SRP72: variants seen among roughly 807,000 people sequenced by gnomAD.
SRP72 encodes signal recognition particle subunit SRP72.
A neutral mutation model predicts 96.3 loss-of-function variants in SRP72; 49 were observed. That is an observed-to-expected ratio of 0.51 (90% CI 0.40 to 0.65). The LOEUF is 0.65. SRP72 is among the 30% of genes least tolerant of loss of function. SRP72 has a pLI of 0.00. For missense variants in SRP72, 736 were observed against 793.3 expected (o/e 0.93, Z 0.87); for synonymous variants, 267 against 275.2 (o/e 0.97, Z 0.30).
At chr4:56,497,378 C>T (rs1207998857) in intron 17 of SRP72, among the ~76,000 whole-genome samples, 2 of 151,740 alleles carry the variant, frequency 1.3e-5, no homozygotes, top group East Asian at 3.9e-4. Context: ...CCCCACCACG[C>T]CCAGCTAATT....
At chr4:56,488,589 A>G (rs1251179378) in intron 12 of SRP72, among the ~76,000 whole-genome samples, 1 of 152,184 alleles carries the variant, frequency 6.6e-6, no homozygotes, top group African/African-American at 2.4e-5. Flanking sequence ...TGCTATAATT[A>G]CTTTACCTTA....
Position 56,467,667 on chromosome 4 carries a change from T to C in SRP72, c.32T>C (p.Val11Ala), listed in dbSNP as rs751306382. 1 of 1,564,214 alleles carries C rather than the reference T, an allele frequency of 6.4e-7. No homozygotes were observed. Among genetic ancestry groups the C allele is most frequent in the South Asian group, 1.2e-5 (1 of 85,728 alleles). MASGGSGGVS[V>A]PALWSEVNRY... ...AGCGGCGGCAGCGGGGGGGTGTCAG[T>C]ACCTGCGCTGTGGAGTGAAGTGAAC... The change falls in exon 1 of 19, where the codon GTA (valine) becomes GCA (alanine). Residue 11 changes from valine to alanine, a missense_variant. By Grantham distance (64) the Val-to-Ala change is moderately conservative. Transcript: ENST00000642900.
intron 16 of SRP72, among the ~76,000 whole-genome samples, chr4:56,493,860 T>C (rs943363112): frequency 6.6e-6 from 1 of 152,070 alleles, no homozygotes; most frequent in African/African-American, 2.4e-5. Context: ...AATGAGACTC[T>C]GTCTAAAAAA....
At chr4:56,473,006 C>T (rs566309596) in intron 3 of SRP72, among the ~76,000 whole-genome samples, 1 of 152,118 alleles carries the variant, frequency 6.6e-6, no homozygotes, top group East Asian at 1.9e-4. Context: ...AAGATTATAG[C>T]GAACTCCTAG....
intron 2 of SRP72, among the ~76,000 whole-genome samples, chr4:56,470,093 T>C (rs1719912784): frequency 6.6e-6 from 1 of 151,938 alleles, no homozygotes; most frequent in Non-Finnish European, 1.5e-5. Context: ...TCAGTCGAAG[T>C]TTCTTTACTG....
Position 56,488,372 on chromosome 4 carries a change from T to G in SRP72, c.1224+359T>G, listed in dbSNP as rs373747733. On this transcript the variant is annotated intron_variant, in intron 12 of 18. Transcript: ENST00000642900. ...CAAATTTAGTTTTTAGTTTTCTGAT[T>G]ATTCAAATATTGCAGGTTTCAATCA... Among the ~76,000 whole-genome samples, 10 of 152,368 alleles carry G rather than the reference T, an allele frequency of 6.6e-5. No individual in the cohort carries two copies. The East Asian group carries it at 1.7e-3, about 26-fold the overall frequency.
intron 8 of SRP72, among the ~76,000 whole-genome samples, chr4:56,480,256 T>A (rs1408565424): frequency 6.6e-6 from 1 of 152,190 alleles, no homozygotes; most frequent in Non-Finnish European, 1.5e-5. Flanking sequence ...TTGAAATGCT[T>A]GTCAGGACAA....
rs944453863 is a variant in SRP72 at position 56,490,253 on chromosome 4, A to G, written c.1321-80A>G. 5 of 1,101,860 alleles carry G rather than the reference A, an allele frequency of 4.5e-6. No individual in the cohort carries two copies. In the African/African-American group the frequency reaches 4.7e-5, roughly 10 times the overall value. The allele number at this position is 1,101,860 out of a possible 1,614,324, so 68.3% of individuals were successfully genotyped here. On this transcript the variant is annotated intron_variant, in intron 13 of 18. Transcript: ENST00000642900. ...GATCTAATGCATAGGTGTATTTCTT[A>G]AAGGTCTAATGAATATAACTGCATG...
intron 2 of SRP72, among the ~76,000 whole-genome samples, chr4:56,471,292 T>A (rs1369513286): frequency 1.3e-5 from 2 of 152,260 alleles, no homozygotes; most frequent in Non-Finnish European, 2.9e-5. Flanking sequence ...TTAAGATTTC[T>A]AGTTACTGTT....
At chr4:56,497,262 C>T (rs1675711083) in intron 17 of SRP72, among the ~76,000 whole-genome samples, 2 of 150,392 alleles carry the variant, frequency 1.3e-5, no homozygotes, top group Admixed American at 1.3e-4. Flanking sequence ...CTCTGTTGCC[C>T]AGGCTGGAGT....
At chr4:56,492,532 C>CTTCCTCCT (rs1412214192) in intron 16 of SRP72, among the ~76,000 whole-genome samples, 3 of 152,086 alleles carry the variant, frequency 2.0e-5, no homozygotes, top group African/African-American at 7.2e-5. Flanking sequence ...GTTTTTGCTA[C>CTTCCTCCT]TTCCTCCTTT....
chr4:56,493,237 T>C (rs1720970077), intron 16 of SRP72, among the ~76,000 whole-genome samples: 1 of 151,866 alleles, frequency 6.6e-6, no homozygotes, highest in Non-Finnish European at 1.5e-5. Flanking sequence ...GGTTTCACCA[T>C]GTCGATCAGG....
chr4:56,489,294 C>A, intron 12 of SRP72, 94 bp from the exon 13 acceptor site: 1 of 580,986 alleles, frequency 1.7e-6, no homozygotes, highest in East Asian at 2.8e-5. Context: ...AGCGGAGAGC[C>A]TTTATTTGCT....
intron 2 of SRP72, among the ~76,000 whole-genome samples, 199 bp downstream of exon 2, chr4:56,469,972 G>GTTTT (rs150238707): frequency 1.5e-5 from 2 of 131,420 alleles, no homozygotes; most frequent in Admixed American, 7.5e-5. Flanking sequence ...GCCTTAGAGA[G>GTTTT]TTTTTTTTTT....
chr4:56,469,664 A>C lies in SRP72; in HGVS notation c.121A>C (p.Asn41His), dbSNP rs200214809. Residue 41 changes from asparagine (N) to histidine (H), a missense_variant, in exon 2 of 19, where the codon AAC becomes CAC. Asn to His is a moderately conservative substitution (Grantham distance 68). Transcript: ENST00000642900. ...LKTVNKILQI[N>H]KDDVTALHCK... ...AAATTGTTCTCTAGTACTACAGATC[A>C]ACAAAGATGACGTAACTGCCCTGCA... The C allele has an allele frequency of 1.0e-4, 168 of 1,604,942 alleles. No individual in the cohort carries two copies. The highest frequency in any genetic ancestry group is 1.4e-4 in the Non-Finnish European group (161 of 1,173,534).
intron 2 of SRP72, among the ~76,000 whole-genome samples, chr4:56,470,171 TA>T (rs1378664256): frequency 6.6e-6 from 1 of 151,868 alleles, no homozygotes; most frequent in Non-Finnish European, 1.5e-5. Flanking sequence ...GATACTGGTT[TA>T]TAAGGTGCAG....
At chr4:56,469,608 A>C in intron 1 of SRP72, 45 bp from the exon 2 acceptor site, 1 of 1,494,872 alleles carries the variant, frequency 6.7e-7, no homozygotes. Context: ...AAAATGTGAA[A>C]AGGAAATGGA....
chr4:56,500,397 G>C, intron 17 of SRP72, 139 bp from the exon 18 acceptor site: 1 of 940,218 alleles, frequency 1.1e-6, no homozygotes, highest in Non-Finnish European at 1.6e-6. Flanking sequence ...TCGCCTGCTA[G>C]ATTATACAAA....
intron 9 of SRP72, 87 bp from the exon 10 acceptor site, chr4:56,484,649 T>C: frequency 6.4e-7 from 1 of 1,554,392 alleles, no homozygotes; most frequent in Non-Finnish European, 8.8e-7. Flanking sequence ...TTCAACTGAT[T>C]TTCCCATGTT....
Sources: allele counts gnomAD v4.1 joint callset (sites outside exome capture counted in the v4.1 genomes callset), GRCh38; gene constraint gnomAD v4.1.1; transcripts MANE v1.5; gene names NCBI Gene and HGNC (gene_info 2026-07-23, HGNC 2026-07-21).